The following B3GNT5 variants were observed in gnomAD, a reference collection of about 807,000 sequenced individuals.
The protein encoded by B3GNT5 is lactosylceramide 1,3-N-acetyl-beta-D-glucosaminyltransferase.
Under a neutral mutation model 25.9 loss-of-function variants are expected in B3GNT5, and 11 were observed. That is an observed-to-expected ratio of 0.42 (90% CI 0.27 to 0.70). The LOEUF is 0.70. Ranked by LOEUF, B3GNT5 falls within the 30% of genes least tolerant of loss-of-function variation. The pLI is 0.23. For synonymous variants in B3GNT5, 166 were observed against 158.6 expected, an observed-to-expected ratio of 1.05 and a Z score of -0.35; for missense variants, 385 against 458.4, an observed-to-expected ratio of 0.84 and a Z score of 1.46.
chr3:183,263,941 G>A (rs997145856), intron 1 of B3GNT5, among the ~76,000 whole-genome samples: 30 of 151,834 alleles, frequency 2.0e-4, no homozygotes, highest in South Asian at 8.3e-4. Context: ...CACCACCCTC[G>A]ACTAGGCCTT....
At chr3:183,253,919 G>T (rs377110948) in intron 1 of B3GNT5, 2 of 152,238 alleles carry the variant, frequency 1.3e-5, no homozygotes, top group African/African-American at 4.8e-5. Context: ...TTCCTTTCCG[G>T]ATCGCTAAAT....
rs1726677008 is a variant in B3GNT5 at position 183,270,609 on chromosome 3, G to A, written c.811G>A (p.Ala271Thr). ...SGDVAAKVYE[A>T]SQTLNSSLYI... ...TGATGTAGCTGCCAAAGTCTATGAG[G>A]CATCACAGACACTAAATTCAAGTCT... Residue 271 changes from alanine (A) to threonine (T), a missense_variant, in exon 2 of 2, where the codon GCA becomes ACA. By Grantham distance (58) the Ala-to-Thr change is moderately conservative. Coordinates refer to ENST00000326505, the MANE Select transcript of B3GNT5 (RefSeq NM_032047.5). This position sits in a 1 kb window ranked among gnomAD's most constrained non-coding sequence, Gnocchi z 4.5. 2 of 1,614,150 alleles carry A rather than the reference G, an allele frequency of 1.2e-6. No individual in the cohort carries two copies. The highest frequency in any genetic ancestry group is 1.7e-6 in the Non-Finnish European group (2 of 1,180,034).
rs1321097098 is a variant in B3GNT5, at chr3:183,267,947, G to T, written c.-301-1551G>T. ...ATGCCTACCAGGGGTCACACACTGAGCTGGATGCTGAGTGTAGGGTGTCCA... is the reference window on the plus strand; with the variant it reads ...ATGCCTACCAGGGGTCACACACTGATCTGGATGCTGAGTGTAGGGTGTCCA... On this transcript the variant is annotated intron_variant, in intron 1 of 1. Transcript: ENST00000326505. The surrounding 1 kb of genome is among the most constrained non-coding windows in gnomAD (Gnocchi z 5.5). 6.6e-6 allele frequency among the ~76,000 whole-genome samples: 1 copy of T among 152,194 alleles called. No individual in the cohort carries two copies. Among genetic ancestry groups the T allele is most frequent in the Admixed American group, 6.5e-5 (1 of 15,284 alleles).
In B3GNT5 at chr3:183,256,494, T is replaced by G. The variant is rs1268976490; in HGVS notation, c.-302+3022T>G. Among the ~76,000 whole-genome samples the G allele has an allele frequency of 2.0e-5, 3 of 152,188 alleles. No homozygotes were observed. In the East Asian group the frequency reaches 5.8e-4, roughly 29 times the overall value. ...AAACATTTTAATTCTACAAATTCAG[T>G]TGCTGGCTTTGATATGTAACTTATT... On this transcript the variant is annotated intron_variant, in intron 1 of 1. Transcript: ENST00000326505.
rs60835895 is a variant in B3GNT5, at chr3:183,269,230, C to CTTTTTTTTTTTTTTTTTTTTTTTTT, written c.-301-250_-301-249insTTTTTTTTTTTTTTTTTTTTTTTTT. Reference sequence around the variant, plus strand: ...TACACGATTATAGCCGTTTGGGAAGCTTTTTTTTTTTTTTTTTTAAGAGTA... The same window carrying CTTTTTTTTTTTTTTTTTTTTTTTTT: ...TACACGATTATAGCCGTTTGGGAAGCTTTTTTTTTTTTTTTTTTTTTTTTTTTTTTTTTTTTTTTTTTTAAGAGTA... On this transcript the variant is annotated intron_variant, in intron 1 of 1. Coordinates refer to ENST00000326505, the MANE Select transcript of B3GNT5 (RefSeq NM_032047.5). Among the ~76,000 whole-genome samples the CTTTTTTTTTTTTTTTTTTTTTTTTT allele has an allele frequency of 9.8e-4, 79 of 80,988 alleles. 14 individuals are homozygous for CTTTTTTTTTTTTTTTTTTTTTTTTT. Among genetic ancestry groups the CTTTTTTTTTTTTTTTTTTTTTTTTT allele is most frequent in the African/African-American group, 4.6e-3 (72 of 15,746 alleles). 53.1% of individuals were successfully genotyped at this position (80,988 alleles called of 152,430 possible).
At chr3:183,263,138 G>A (rs1384873822) in intron 1 of B3GNT5, among the ~76,000 whole-genome samples, 1 of 152,136 alleles carries the variant, frequency 6.6e-6, no homozygotes, top group Non-Finnish European at 1.5e-5. Context: ...CAGAAGAAAT[G>A]CAGTTCTCAG....
chr3:183,260,624 G>C (rs1468227752), intron 1 of B3GNT5, among the ~76,000 whole-genome samples: 2 of 151,814 alleles, frequency 1.3e-5, no homozygotes, highest in African/African-American at 4.8e-5. Context: ...TAAAGACTTA[G>C]GGTCTGTCTT....
In B3GNT5 at chr3:183,272,375, C is replaced by CTGTT. The variant is rs1726853335; in HGVS notation, c.*1441_*1444dup. On this transcript the variant is annotated 3_prime_UTR_variant, in exon 2 of 2. Coordinates refer to ENST00000326505, the MANE Select transcript of B3GNT5 (RefSeq NM_032047.5). Reference sequence around the variant, plus strand: ...CTAAGGCCTTTGACTGCAGAGGCACCTGTTAGGGAAAATCAGATGTCTCAT... The same window carrying CTGTT: ...CTAAGGCCTTTGACTGCAGAGGCACCTGTTTGTTAGGGAAAATCAGATGTCTCAT... 1.0e-6 allele frequency: 1 copy of CTGTT among 1,000,210 alleles called. No homozygotes were observed. The allele number at this position is 1,000,210 out of a possible 1,614,324, so 62.0% of individuals were successfully genotyped here.
At position 183,272,455 on chromosome 3, in the gene B3GNT5, A is replaced by T; in HGVS notation, c.*1520A>T. On this transcript the variant is annotated 3_prime_UTR_variant, in exon 2 of 2. Transcript: ENST00000326505. ...ACAAAACGAAAAAAGATTTCTCAGT[A>T]TACACAACTGAATGATGATACTTAC... 1.0e-6 allele frequency: 1 copy of T among 999,924 alleles called. No individual in the cohort carries two copies. Among genetic ancestry groups the T allele is most frequent in the Non-Finnish European group, 1.2e-6 (1 of 829,800 alleles). 61.9% of individuals were successfully genotyped at this position (999,924 alleles called of 1,614,324 possible).
Position 183,271,991 on chromosome 3 carries a change from A to G in B3GNT5, c.*1056A>G. The G allele has an allele frequency of 6.4e-6, 2 of 314,954 alleles. No homozygotes were observed. The highest frequency in any genetic ancestry group is 9.8e-6 in the Non-Finnish European group (2 of 203,454). 19.5% of individuals were successfully genotyped at this position (314,954 alleles called of 1,614,324 possible). ...CACTTTGTTCCAAGTTCAGAGTTTT[A>G]AATTGAGAGCATTAAACATCAAAGT... On this transcript the variant is annotated 3_prime_UTR_variant, in exon 2 of 2. Coordinates refer to ENST00000326505, the MANE Select transcript of B3GNT5 (RefSeq NM_032047.5).
At position 183,269,675 on chromosome 3, in the gene B3GNT5, C is replaced by T. The variant is rs1726549887; in HGVS notation, c.-124C>T. ...ACTATTTTGTAAAATAAGAAGACTTCCATTTTTAATGACCAACATGTATTA... is the reference window on the plus strand; with the variant it reads ...ACTATTTTGTAAAATAAGAAGACTTTCATTTTTAATGACCAACATGTATTA... On this transcript the variant is annotated 5_prime_UTR_variant, in exon 2 of 2. Coordinates refer to ENST00000326505, the MANE Select transcript of B3GNT5 (RefSeq NM_032047.5). 3 of 856,456 alleles carry T rather than the reference C, an allele frequency of 3.5e-6. No individual in the cohort carries two copies. The highest frequency in any genetic ancestry group is 3.5e-5 in the African/African-American group (2 of 57,062). 53.1% of individuals were successfully genotyped at this position (856,456 alleles called of 1,614,324 possible).
In B3GNT5 at chr3:183,272,033, A is replaced by G; in HGVS notation, c.*1098A>G. 1 of 538,028 alleles carries G rather than the reference A, an allele frequency of 1.9e-6. No individual in the cohort carries two copies. 33.3% of individuals were successfully genotyped at this position (538,028 alleles called of 1,614,324 possible). A position where few individuals can be genotyped will look rare whatever the true frequency, so the allele number is the denominator to read the frequency against. On this transcript the variant is annotated 3_prime_UTR_variant, in exon 2 of 2. Coordinates refer to ENST00000326505, the MANE Select transcript of B3GNT5 (RefSeq NM_032047.5). ...CATCAAAGTTATAATATCTAAAACA[A>G]TTTATTTTTCATCAATAACTGTCAG...
At chr3:183,266,804 T>TTTTTTTG (rs1726178718) in intron 1 of B3GNT5, among the ~76,000 whole-genome samples, 1 of 151,964 alleles carries the variant, frequency 6.6e-6, no homozygotes, top group African/African-American at 2.4e-5. Flanking sequence ...TTTTTTTTTT[T>TTTTTTTG]GAGATGGAAT....
At chr3:183,257,873 CACA>C (rs763875037) in intron 1 of B3GNT5, among the ~76,000 whole-genome samples, 7 of 151,156 alleles carry the variant, frequency 4.6e-5, no homozygotes, top group Non-Finnish European at 8.8e-5. Context: ...CCACTCAAGC[CACA>C]ACTTTTTCTC....
At chr3:183,256,074 G>A (rs1725019291) in intron 1 of B3GNT5, among the ~76,000 whole-genome samples, 3 of 152,334 alleles carry the variant, frequency 2.0e-5, no homozygotes, top group South Asian at 4.1e-4. Context: ...GTAACAAAAT[G>A]TCCCCTATTC....
intron 1 of B3GNT5, among the ~76,000 whole-genome samples, chr3:183,260,304 A>G (rs968490097): frequency 3.3e-5 from 5 of 152,168 alleles, no homozygotes; most frequent in Admixed American, 1.3e-4. Flanking sequence ...AGACATACCC[A>G]TGGTAGTAAC....
Position 183,272,462 on chromosome 3 carries a change from A to C in B3GNT5, c.*1527A>C. ...GAAAAAAGATTTCTCAGTATACACA[A>C]CTGAATGATGATACTTACAATTTTT... is the stretch of plus-strand genomic sequence containing the variant. On this transcript the variant is annotated 3_prime_UTR_variant, in exon 2 of 2. Transcript: ENST00000326505. The C allele has an allele frequency of 1.0e-6, 1 of 999,812 alleles. No homozygotes were observed. 61.9% of individuals were successfully genotyped at this position (999,812 alleles called of 1,614,324 possible).
intron 1 of B3GNT5, among the ~76,000 whole-genome samples, chr3:183,255,467 A>C (rs6793163): frequency 0.16 from 24,113 of 152,164 alleles, 4,593 homozygotes; most frequent in African/African-American, 0.46. Context: ...ACTCTTCCTT[A>C]TCCTCCCGCA....
In B3GNT5 at chr3:183,253,385, C is replaced by T. The variant is rs1278193641; in HGVS notation, c.-389C>T. 1.3e-5 allele frequency: 2 copies of T among 152,216 alleles called. No homozygotes were observed. The highest frequency in any genetic ancestry group is 2.4e-5 in the African/African-American group (1 of 41,446). 9.4% of individuals were successfully genotyped at this position (152,216 alleles called of 1,614,324 possible). ...TTAGCTCCGATGCGGGAAGGAAAGC[C>T]GACCTCCGATTTGGACATTTAAAGA... On this transcript the variant is annotated 5_prime_UTR_variant, in exon 1 of 2. Coordinates refer to ENST00000326505, the MANE Select transcript of B3GNT5 (RefSeq NM_032047.5).
Sources: allele counts gnomAD v4.1 joint callset (sites outside exome capture counted in the v4.1 genomes callset), GRCh38; gene constraint gnomAD v4.1.1; non-coding constraint Gnocchi (gnomAD v3.1); transcripts MANE v1.5; gene names NCBI Gene and HGNC (gene_info 2026-07-23, HGNC 2026-07-21).